The following ZNF518A variants were observed in gnomAD, a reference collection of about 807,000 sequenced individuals.
The protein encoded by ZNF518A is zinc finger protein 518A, also known as zinc finger protein 518.
A neutral mutation model predicts 102.7 loss-of-function variants in ZNF518A; 47 were observed. The ratio of observed to expected loss-of-function variants is 0.46; its 90% CI spans 0.36 to 0.58. ZNF518A has a LOEUF of 0.58. Ranked by LOEUF, ZNF518A falls within the 20% of genes least tolerant of loss-of-function variation. The pLI is 0.00. For missense variants in ZNF518A, 1,793 were observed against 1,699.8 expected, an observed-to-expected ratio of 1.05 and a Z score of -0.96; for synonymous variants, 652 against 594.6, an observed-to-expected ratio of 1.10 and a Z score of -1.40.
intron 1 of ZNF518A, among the ~76,000 whole-genome samples, chr10:96,202,929 C>A (rs1335874572): frequency 6.6e-6 from 1 of 152,168 alleles, no homozygotes; most frequent in Non-Finnish European, 1.5e-5. Flanking sequence ...CTTCTCAGAC[C>A]ATCCTGTCTA....
At chr10:96,195,030 A>C (rs1554894385) in intron 1 of ZNF518A, among the ~76,000 whole-genome samples, 1 of 151,868 alleles carries the variant, frequency 6.6e-6, no homozygotes, top group East Asian at 1.9e-4. Flanking sequence ...CGGCCTCCCA[A>C]AGTGCTGGGA....
At chr10:96,204,592 T>C (rs782647585), downstream of ZNF518A, 11 of 1,614,056 alleles carry the variant, frequency 6.8e-6, no homozygotes, top group Non-Finnish European at 5.1e-6. Context: ...TGACCCTCGG[T>C]GGCGTTCAGC....
chr10:96,156,924 A>G lies in ZNF518A; in HGVS notation c.602A>G (p.His201Arg). Residue 201 changes from histidine to arginine, a missense_variant, in exon 6 of 6, where the codon CAT (histidine) becomes CGT (arginine). His to Arg is a conservative substitution (Grantham distance 29). Transcript: ENST00000316045. ...TTGACAAAGCATTTCACATCCACAC[A>G]TTGTGTTAATGGTAATTTTCAATGT... ...LNLTKHFTSTHCVNGNFQCEK... is the reference protein window; with the variant it reads ...LNLTKHFTSTRCVNGNFQCEK... 2 of 1,613,866 alleles carry G rather than the reference A, an allele frequency of 1.2e-6. No homozygotes were observed. Among genetic ancestry groups the G allele is most frequent in the Non-Finnish European group, 1.7e-6 (2 of 1,179,804 alleles).
chr10:96,195,159 TA>T (rs1564809811), intron 1 of ZNF518A, among the ~76,000 whole-genome samples: 2 of 152,154 alleles, frequency 1.3e-5, no homozygotes, highest in African/African-American at 4.8e-5. Flanking sequence ...ATTCAGAATA[TA>T]ACAAGTGCTG....
chr10:96,157,624 A>C lies in ZNF518A; in HGVS notation c.1302A>C (p.Leu434=). The change falls in exon 6 of 6, where the codon CTA becomes CTC. Residue 434 remains leucine, a synonymous_variant. Transcript: ENST00000316045. Reference sequence around the variant, plus strand: ...ATGTAATGATGAAAAATAATAAACTAGCAGTTTCCCCTAACTATAATGCTA... The same window carrying C: ...ATGTAATGATGAAAAATAATAAACTCGCAGTTTCCCCTAACTATAATGCTA... ...LKNVMMKNNK[L]AVSPNYNATF... is the part of the protein sequence containing the mutation. 1 of 1,613,866 alleles carries C rather than the reference A, an allele frequency of 6.2e-7. No homozygotes were observed. Among genetic ancestry groups the C allele is most frequent in the South Asian group, 1.1e-5 (1 of 91,064 alleles).
rs782119863 is a variant in ZNF518A at position 96,159,266 on chromosome 10, CT to C, written c.2946del (p.Asn983IlefsTer22). The C allele has an allele frequency of 6.2e-7, 1 of 1,613,538 alleles. No homozygotes were observed. The highest frequency in any genetic ancestry group is 2.2e-5 in the East Asian group (1 of 44,882). On this transcript the variant is annotated frameshift_variant, in exon 6 of 6. Transcript: ENST00000316045. LOFTEE classifies it high-confidence loss of function. ...CAAGAAACCTGGGATGGTTTTAACA[CT>C]TAATAATGGGAAACTTGAAGGTGTT... ...VNKKPGMVLT[L>X]NNGKLEGVSA...
At chr10:96,150,516 C>T (rs1313090945) in intron 3 of ZNF518A, among the ~76,000 whole-genome samples, 2 of 147,876 alleles carry the variant, frequency 1.4e-5, no homozygotes, top group African/African-American at 2.5e-5. Context: ...ATTTGGAGAG[C>T]GTTTGATTTT....
Position 96,159,406 on chromosome 10 carries a change from T to C in ZNF518A, c.3084T>C (p.Cys1028=), listed in dbSNP as rs782016357. The C allele has an allele frequency of 4.3e-6, 7 of 1,613,698 alleles. No individual in the cohort carries two copies. In the South Asian group the frequency reaches 7.7e-5, roughly 18 times the overall value. The change falls in exon 6 of 6, where the codon TGT becomes TGC. Residue 1028 remains cysteine, a synonymous_variant. Coordinates refer to ENST00000316045, the MANE Select transcript of ZNF518A (RefSeq NM_001330736.2). ...ATAATTGTCTTACACCTGGACTTTG[T>C]TCCAGCATTGGCAGTTGTTTGAGCA... ...PNNNCLTPGL[C]SSIGSCLSMK...
Position 96,156,802 on chromosome 10 carries a change from T to G in ZNF518A, c.480T>G (p.Asn160Lys). The G allele has an allele frequency of 6.2e-7, 1 of 1,613,910 alleles. No homozygotes were observed. The change falls in exon 6 of 6, where the codon AAT becomes AAG. Residue 160 changes from asparagine to lysine, a missense_variant. Physicochemically the swap from Asn to Lys is moderately conservative, Grantham distance 94. Around this residue, in one of 3 missense-constraint regions of ZNF518A, gnomAD observed 1,741 missense variants for 1,622.6 expected, o/e 1.07. Coordinates refer to ENST00000316045, the MANE Select transcript of ZNF518A (RefSeq NM_001330736.2). ...YPCEMCNFSA[N>K]DFQVFKQHRR... is the part of the protein sequence containing the mutation. Reference sequence around the variant, plus strand: ...GTGAAATGTGCAACTTTTCAGCAAATGACTTTCAGGTATTTAAACAACACA... The same window carrying G: ...GTGAAATGTGCAACTTTTCAGCAAAGGACTTTCAGGTATTTAAACAACACA...
chr10:96,179,122 T>C (rs1026318763), intron 1 of ZNF518A, among the ~76,000 whole-genome samples: 2 of 152,100 alleles, frequency 1.3e-5, no homozygotes, highest in African/African-American at 2.4e-5. Flanking sequence ...AGACCAGTGT[T>C]CCCTATGGAT....
chr10:96,145,726 G>A (rs1007472681), intron 3 of ZNF518A, among the ~76,000 whole-genome samples: 2 of 152,186 alleles, frequency 1.3e-5, no homozygotes, highest in Admixed American at 6.5e-5. Flanking sequence ...CTGGCAGCAA[G>A]TATATTATTT....
intron 1 of ZNF518A, chr10:96,189,985 C>G (rs1164986523): frequency 2.4e-6 from 2 of 834,898 alleles, no homozygotes; most frequent in Non-Finnish European, 4.1e-6. Context: ...CAGACATTTT[C>G]AAAGGTGCCA....
chr10:96,142,538 T>C (rs1344831979), intron 3 of ZNF518A, among the ~76,000 whole-genome samples: 3 of 152,300 alleles, frequency 2.0e-5, no homozygotes, highest in South Asian at 2.1e-4. Flanking sequence ...CTTAGAGAGC[T>C]ACATGCTGAG....
chr10:96,199,149 T>C (rs587610447), intron 1 of ZNF518A, among the ~76,000 whole-genome samples: 138 of 152,322 alleles, frequency 9.1e-4, no homozygotes, highest in African/African-American at 3.1e-3. Flanking sequence ...TATTTACTTG[T>C]AGAGCTAGGA....
At position 96,158,482 on chromosome 10, in the gene ZNF518A, T is replaced by C; in HGVS notation, c.2160T>C (p.Tyr720=). The change falls in exon 6 of 6, where the codon TAT becomes TAC. Residue 720 remains tyrosine (Y), a synonymous_variant. Coordinates refer to ENST00000316045, the MANE Select transcript of ZNF518A (RefSeq NM_001330736.2). ...CAAAATCTGAAATTGAAGAACAGTA[T>C]GTTTTAGAAAAAGGACAAAACATTG... ...LKAKSEIEEQ[Y]VLEKGQNIDG... is the part of the protein sequence containing the mutation. 2 of 1,612,690 alleles carry C rather than the reference T, an allele frequency of 1.2e-6. No homozygotes were observed. Among genetic ancestry groups the C allele is most frequent in the Non-Finnish European group, 1.7e-6 (2 of 1,179,572 alleles).
chr10:96,159,929 G>A lies in ZNF518A; in HGVS notation c.3607G>A (p.Ala1203Thr). The stretch of plus-strand genomic sequence containing the variant: ...CTTCTTACTAGATGACTTAATGCCA[G>A]CAAATGAAATTGTGATAACTTCTAC... ...LPFLLDDLMP[A>T]NEIVITSTAT... The change falls in exon 6 of 6, where the codon GCA becomes ACA. Residue 1203 changes from alanine (A) to threonine (T), a missense_variant. By Grantham distance (58) the Ala-to-Thr change is moderately conservative. Transcript: ENST00000316045. 6.2e-7 allele frequency: 1 copy of A among 1,613,474 alleles called. No individual in the cohort carries two copies. Among genetic ancestry groups the A allele is most frequent in the Non-Finnish European group, 8.5e-7 (1 of 1,179,694 alleles).
intron 1 of ZNF518A, among the ~76,000 whole-genome samples, chr10:96,177,963 C>T (rs2083215871): frequency 6.6e-6 from 1 of 152,008 alleles, no homozygotes; most frequent in Non-Finnish European, 1.5e-5. Context: ...ACCAAAGCTT[C>T]TAAATACATG....
At chr10:96,131,861 ATACTT>A (rs759278986) in intron 1 of ZNF518A, among the ~76,000 whole-genome samples, 30 of 152,190 alleles carry the variant, frequency 2.0e-4, no homozygotes, top group Non-Finnish European at 3.7e-4. Context: ...CAGAGGGACT[ATACTT>A]TAGCCTAGAT....
intron 1 of ZNF518A, chr10:96,191,603 A>G (rs368334621): frequency 1.1e-5 from 2 of 185,628 alleles, no homozygotes; most frequent in South Asian, 1.1e-4. Flanking sequence ...GCCCAGCTAC[A>G]TTAGTGTACC....
Sources: gnomAD v4.1 joint callset for allele counts (sites outside exome capture counted in the v4.1 genomes callset) on GRCh38, gnomAD v4.1.1 for gene constraint, gnomAD v4.1.1 regional missense constraint, MANE v1.5 for transcripts, NCBI Gene and HGNC (gene_info 2026-07-23, HGNC 2026-07-21) for gene names.